PLCH1: variants seen among roughly 807,000 people sequenced by gnomAD.
The protein encoded by PLCH1 is phospholipase C eta 1.
Under a neutral mutation model 126.7 loss-of-function variants are expected in PLCH1, and 60 were observed. The observed-to-expected ratio is 0.47, with a 90% CI of 0.38 to 0.59. The LOEUF (loss-of-function observed/expected upper bound fraction) is 0.59, where lower values mean the gene tolerates loss of function less well. Ranked by LOEUF, PLCH1 falls within the 20% of genes least tolerant of loss-of-function variation. PLCH1 has a pLI of 0.00. For synonymous variants in PLCH1, 719 were observed against 734.9 expected (o/e 0.98, Z 0.35); for missense variants, 1,723 against 2,040.0 (o/e 0.84, Z 2.99).
intron 10 of PLCH1, among the ~76,000 whole-genome samples, chr3:155,540,439 G>T (rs1036990336): frequency 6.6e-6 from 1 of 152,054 alleles, no homozygotes; most frequent in Non-Finnish European, 1.5e-5. Context: ...GAAATAATCA[G>T]TGGAGTAAAC....
intron 11 of PLCH1, among the ~76,000 whole-genome samples, chr3:155,516,334 G>A (rs1720304313): frequency 6.6e-6 from 1 of 152,200 alleles, no homozygotes; most frequent in Non-Finnish European, 1.5e-5. Context: ...AAAAGAGGTG[G>A]GAAGTGATTG....
At chr3:155,475,075 T>TAA (rs56659245), downstream of PLCH1, among the ~76,000 whole-genome samples, 2 of 139,134 alleles carry the variant, frequency 1.4e-5, no homozygotes, top group Non-Finnish European at 3.1e-5. Flanking sequence ...CTTAAAGTAT[T>TAA]AAAAAAAAAA....
At chr3:155,719,815 T>A (rs1747812696) in intron 1 of PLCH1, among the ~76,000 whole-genome samples, 1 of 152,088 alleles carries the variant, frequency 6.6e-6, no homozygotes, top group African/African-American at 2.4e-5. Context: ...CTTTTATTTT[T>A]TTTTTCCAGA....
intron 10 of PLCH1, among the ~76,000 whole-genome samples, chr3:155,542,723 G>A (rs538255295): frequency 2.4e-4 from 37 of 152,310 alleles, no homozygotes; most frequent in African/African-American, 5.3e-4. Flanking sequence ...CAGCATTTGC[G>A]GTTCACGAAA....
intron 2 of PLCH1, among the ~76,000 whole-genome samples, chr3:155,599,074 G>A (rs1289406200): frequency 7.2e-6 from 1 of 138,442 alleles, no homozygotes; most frequent in Non-Finnish European, 1.5e-5. Flanking sequence ...TTCAAGCCAG[G>A]AAAAGAGTCC....
intron 5 of PLCH1, 118 bp from the exon 6 acceptor site, chr3:155,583,760 A>T (rs1731009296): frequency 4.8e-6 from 3 of 626,454 alleles, no homozygotes; most frequent in Non-Finnish European, 7.7e-6. Flanking sequence ...GTGAGCACAC[A>T]TTCTCTTCGA....
chr3:155,562,933 C>T (rs1286289764), intron 8 of PLCH1, among the ~76,000 whole-genome samples: 1 of 152,218 alleles, frequency 6.6e-6, no homozygotes. Context: ...AGGTAACCAA[C>T]TGCCCACTAA....
intron 2 of PLCH1, among the ~76,000 whole-genome samples, chr3:155,674,528 AAT>A (rs1304952863): frequency 6.6e-6 from 1 of 152,246 alleles, no homozygotes; most frequent in Non-Finnish European, 1.5e-5. Context: ...TTTTTTGAAA[AAT>A]AGTCTTGCTA....
At chr3:155,727,194 G>T (rs1748400852) in intron 1 of PLCH1, among the ~76,000 whole-genome samples, 1 of 151,850 alleles carries the variant, frequency 6.6e-6, no homozygotes, top group Admixed American at 6.6e-5. Flanking sequence ...AGTCCTCATA[G>T]TTTCTTATCT....
rs1713789948 is a variant in PLCH1 at position 155,480,142 on chromosome 3, GCTA to G, written c.*823_*825del. The G allele has an allele frequency of 6.6e-6, 1 of 152,578 alleles. No individual in the cohort carries two copies. The highest frequency in any genetic ancestry group is 1.5e-5 in the Non-Finnish European group (1 of 68,034). The allele number at this position is 152,578 out of a possible 1,614,324, so 9.5% of individuals were successfully genotyped here. On this transcript the variant is annotated 3_prime_UTR_variant, in exon 23 of 23. Coordinates refer to ENST00000460012, the MANE Select transcript of PLCH1 (RefSeq NM_014996.4). ...AGCTTTGGGGAAGTTTTCAATTTGT[GCTA>G]CTATTATCATTAGAGTCTGATGGAA...
intron 21 of PLCH1, among the ~76,000 whole-genome samples, chr3:155,456,048 G>A (rs1250283233): frequency 3.3e-5 from 5 of 152,162 alleles, no homozygotes; most frequent in South Asian, 4.1e-4. Flanking sequence ...CTGCCCTGTC[G>A]ATTGTTCAAG....
At chr3:155,674,168 C>G (rs1743847284) in intron 2 of PLCH1, among the ~76,000 whole-genome samples, 2 of 152,144 alleles carry the variant, frequency 1.3e-5, no homozygotes, top group African/African-American at 4.8e-5. Context: ...CAGTTCAGGT[C>G]CCTACGTCTT....
At position 155,683,050 on chromosome 3, in the gene PLCH1, A is replaced by C. The variant is rs116067603; in HGVS notation, c.79+21096T>G. ...ACACTTGTCAAATAAACCAGTTTGG[A>C]TCTCTCCTGCATTAAAAACCTGACA... is the stretch of plus-strand genomic sequence containing the variant. On this transcript the variant is annotated intron_variant, in intron 2 of 22. Transcript: ENST00000460012. Among the ~76,000 whole-genome samples, 1,429 of 152,324 alleles carry C rather than the reference A, an allele frequency of 9.4e-3. 31 individuals carry two copies. The highest frequency in any genetic ancestry group is 0.032 in the African/African-American group (1,324 of 41,560).
At chr3:155,551,444 GAAAAAAAAAAAAAAAAAAA>G (rs59794505) in intron 9 of PLCH1, among the ~76,000 whole-genome samples, 10 of 42,054 alleles carry the variant, frequency 2.4e-4, no homozygotes, top group Admixed American at 1.7e-3. Context: ...GGCTGCCTCA[GAAAAAAAAAAAAAAAAAAA>G]AAAAAAAAAA....
At chr3:155,465,126 AG>A (rs915405093) in intron 21 of PLCH1, among the ~76,000 whole-genome samples, 12 of 151,418 alleles carry the variant, frequency 7.9e-5, no homozygotes, top group South Asian at 4.2e-4. Flanking sequence ...AAAAAAAAAA[AG>A]AGTGACAGAC....
chr3:155,588,823 C>T (rs1731720509), intron 4 of PLCH1, among the ~76,000 whole-genome samples: 1 of 152,156 alleles, frequency 6.6e-6, no homozygotes, highest in African/African-American at 2.4e-5. Flanking sequence ...CATATCACCT[C>T]CTGGAGCCTC....
At chr3:155,470,582 A>G (rs1713165723) in intron 21 of PLCH1, among the ~76,000 whole-genome samples, 1 of 152,178 alleles carries the variant, frequency 6.6e-6, no homozygotes, top group African/African-American at 2.4e-5. Context: ...AAAACGCCAC[A>G]AAGATACTCC....
intron 21 of PLCH1, chr3:155,487,074 A>G (rs1198195990): frequency 6.6e-6 from 1 of 151,996 alleles, no homozygotes; most frequent in Non-Finnish European, 1.5e-5. Flanking sequence ...CCCCACCTCC[A>G]CGCCCTTGCT....
intron 5 of PLCH1, among the ~76,000 whole-genome samples, chr3:155,584,545 T>G (rs910175875): frequency 1.3e-5 from 2 of 152,184 alleles, no homozygotes; most frequent in African/African-American, 4.8e-5. Context: ...CATAAAACCA[T>G]AAAACTATTG....
Sources: gnomAD v4.1 joint callset for allele counts (sites outside exome capture counted in the v4.1 genomes callset) on GRCh38, gnomAD v4.1.1 for gene constraint, MANE v1.5 for transcripts, NCBI Gene and HGNC (gene_info 2026-07-23, HGNC 2026-07-21) for gene names.